Variants in COL5A2 observed in about 807,000 individuals in gnomAD.
COL5A2 encodes collagen alpha-2(V) chain.
COL5A2 carries 23 observed loss-of-function variants against 208.2 expected under a neutral mutation model. That is an observed-to-expected ratio of 0.11 (90% CI 0.08 to 0.16). The LOEUF (loss-of-function observed/expected upper bound fraction) is 0.16. Among genes scored for constraint, COL5A2 ranks in the 10% least tolerant of loss-of-function variants. COL5A2 has a pLI of 1.00. For missense variants in COL5A2, 1,590 were observed against 1,956.4 expected (o/e 0.81, Z 3.53); for synonymous variants, 625 against 628.5 (o/e 0.99, Z 0.08).
chr2:189,134,606 A>C (rs1263911589), intron 1 of COL5A2, among the ~76,000 whole-genome samples: 1 of 152,186 alleles, frequency 6.6e-6, no homozygotes, highest in African/African-American at 2.4e-5. Context: ...AATTTTAGAA[A>C]GTACATCATT....
the COL5A2 span, among the ~76,000 whole-genome samples, chr2:189,352,519 G>A: frequency 6.6e-6 from 1 of 152,152 alleles, no homozygotes; most frequent in South Asian, 2.1e-4. Context: ...ATCTCATTGT[G>A]ATTTTGATTT....
the COL5A2 span, among the ~76,000 whole-genome samples, chr2:189,282,986 A>G: frequency 6.6e-6 from 1 of 152,162 alleles, no homozygotes; most frequent in Admixed American, 6.6e-5. Flanking sequence ...CTACTATTAT[A>G]CCCCGAGTTA....
chr2:189,287,275 TAAAATTTTTTTACA>T, the COL5A2 span, among the ~76,000 whole-genome samples: 2 of 152,170 alleles, frequency 1.3e-5, no homozygotes, highest in Non-Finnish European at 2.9e-5. Flanking sequence ...ATTAAAGGTA[TAAAATTTTTTTACA>T]AAAATTTTTT....
At chr2:189,061,099 T>C (rs949903392) in intron 30 of COL5A2, among the ~76,000 whole-genome samples, 1 of 152,178 alleles carries the variant, frequency 6.6e-6, no homozygotes, top group African/African-American at 2.4e-5. Context: ...TTTAGACTGC[T>C]AGAATATTAT....
chr2:189,049,368 A>G lies in COL5A2; in HGVS notation c.3126T>C (p.Pro1042=), dbSNP rs1237220858. 11 of 1,612,042 alleles carry G rather than the reference A, an allele frequency of 6.8e-6. No homozygotes were observed. In the African/African-American group the frequency reaches 1.3e-4, roughly 20 times the overall value. Residue 1042 remains proline, a synonymous_variant, in exon 44 of 54, where the codon CCT becomes CCC. Transcript: ENST00000374866. ...GPVGPPGSNG[P]VGEPGPEGPA... The stretch of plus-strand genomic sequence containing the variant: ...TCACTTCTGGTCCAGGTTCCCCTAC[A>G]GGACCATTGGAGCCTGGGGGCCCCA...
intron 1 of COL5A2, among the ~76,000 whole-genome samples, chr2:189,203,897 C>CT (rs980659605): frequency 1.6e-3 from 225 of 144,950 alleles, no homozygotes; most frequent in African/African-American, 1.7e-3. Context: ...TCTTTTTTGT[C>CT]TTTTTTTTTT....
chr2:189,053,317 C>A, intron 38 of COL5A2, 107 bp downstream of exon 38: 1 of 1,043,328 alleles, frequency 9.6e-7, no homozygotes, highest in Non-Finnish European at 1.5e-6. Context: ...GTCTAGAAAA[C>A]TGTAAATTTT....
chr2:189,088,491 C>T (rs1211657851), intron 8 of COL5A2, among the ~76,000 whole-genome samples: 2 of 152,044 alleles, frequency 1.3e-5, no homozygotes, highest in African/African-American at 4.8e-5. Flanking sequence ...AATGTCAGCA[C>T]TTTGCATAAT....
At chr2:189,097,674 G>T in intron 5 of COL5A2, 1 of 501,388 alleles carries the variant, frequency 2.0e-6, no homozygotes, top group Non-Finnish European at 3.9e-6. Flanking sequence ...TAAACTCTGA[G>T]CACAAAAACT....
chr2:189,407,691 C>T, the COL5A2 span, among the ~76,000 whole-genome samples: 1 of 152,088 alleles, frequency 6.6e-6, no homozygotes, highest in African/African-American at 2.4e-5. Context: ...TACCCAGAGA[C>T]ATAATTTTAA....
At chr2:189,391,141 A>G in the COL5A2 span, among the ~76,000 whole-genome samples, 17 of 152,184 alleles carry the variant, frequency 1.1e-4, no homozygotes, top group Non-Finnish European at 2.5e-4. Context: ...CAAAGCAATA[A>G]CACTACTATG....
intron 46 of COL5A2, 130 bp downstream of exon 46, chr2:189,045,670 G>C (rs1685650789): frequency 3.9e-6 from 3 of 778,604 alleles, no homozygotes; most frequent in Non-Finnish European, 6.8e-6. Context: ...ATAATTAGCT[G>C]TTTACCATTC....
chr2:189,194,244 T>A (rs777350020), intron 1 of COL5A2, among the ~76,000 whole-genome samples: 2 of 152,194 alleles, frequency 1.3e-5, no homozygotes, highest in Non-Finnish European at 2.9e-5. Flanking sequence ...CCATTTCTCA[T>A]CTACATTTTT....
At chr2:189,069,184 TGAG>T (rs1686217561) in intron 18 of COL5A2, among the ~76,000 whole-genome samples, 1 of 152,158 alleles carries the variant, frequency 6.6e-6, no homozygotes, top group African/African-American at 2.4e-5. Flanking sequence ...CCACAAAATC[TGAG>T]ATTTTTCTTC....
At chr2:189,097,550 G>A (rs1686946786) in intron 5 of COL5A2, 1 of 678,792 alleles carries the variant, frequency 1.5e-6, no homozygotes, top group South Asian at 1.5e-5. Context: ...TGAAGAACTA[G>A]GTGCACATTA....
chr2:189,094,646 C>CACACACACAT lies in COL5A2; in HGVS notation c.457-2227_457-2226insATGTGTGTGT, dbSNP rs1248564270. On this transcript the variant is annotated intron_variant, in intron 6 of 53. Coordinates refer to ENST00000374866, the MANE Select transcript of COL5A2 (RefSeq NM_000393.5). ...ACACACACACACACACACACACACA[C>CACACACACAT]ATAAATGTTATAGATGTTAAGATCT... Among the ~76,000 whole-genome samples the CACACACACAT allele has an allele frequency of 6.0e-5, 8 of 132,544 alleles. 2 individuals are homozygous for CACACACACAT. The highest frequency in any genetic ancestry group is 1.6e-4 in the Admixed American group (2 of 12,750). 87.0% of individuals were successfully genotyped at this position (132,544 alleles called of 152,430 possible).
At chr2:189,118,312 T>C (rs534975997) in intron 1 of COL5A2, among the ~76,000 whole-genome samples, 14 of 152,182 alleles carry the variant, frequency 9.2e-5, no homozygotes, top group African/African-American at 3.4e-4. Flanking sequence ...ATATTCATTA[T>C]TGTATACTCA....
chr2:189,429,543 A>C, the COL5A2 span, among the ~76,000 whole-genome samples: 1 of 152,374 alleles, frequency 6.6e-6, no homozygotes, highest in African/African-American at 2.4e-5. Context: ...TGGCAGGTTC[A>C]GGGGTTGCCC....
chr2:189,334,830 C>T, the COL5A2 span, among the ~76,000 whole-genome samples: 1 of 151,956 alleles, frequency 6.6e-6, no homozygotes, highest in East Asian at 1.9e-4. Flanking sequence ...GATTTCAAGG[C>T]TTACTATAAA....
Sources: allele counts gnomAD v4.1 joint callset (sites outside exome capture counted in the v4.1 genomes callset), GRCh38; gene constraint gnomAD v4.1.1; transcripts MANE v1.5; gene names NCBI Gene and HGNC (gene_info 2026-07-23, HGNC 2026-07-21).